The following C8orf34 variants were observed in gnomAD, a reference collection of about 807,000 sequenced individuals.
C8orf34 encodes chromosome 8 open reading frame 34.
A neutral mutation model predicts 68.3 loss-of-function variants in C8orf34; 65 were observed. The ratio of observed to expected loss-of-function variants is 0.95; its 90% CI spans 0.78 to 1.17. The LOEUF is 1.17. C8orf34 is among the 50% of genes most tolerant of loss of function. The pLI is 0.00. For synonymous variants in C8orf34, 244 were observed against 241.2 expected, an observed-to-expected ratio of 1.01 and a Z score of -0.11; for missense variants, 664 against 655.4, an observed-to-expected ratio of 1.01 and a Z score of -0.14.
At chr8:68,339,683 CT>C (rs952789700) in intron 1 of C8orf34, among the ~76,000 whole-genome samples, 2 of 151,790 alleles carry the variant, frequency 1.3e-5, no homozygotes, top group Admixed American at 1.3e-4. Flanking sequence ...AATGTAAAAC[CT>C]TTTTTCTTCT....
chr8:68,708,933 T>C (rs1013944449), intron 8 of C8orf34, 61 bp from the exon 9 acceptor site: 25 of 1,179,112 alleles, frequency 2.1e-5, no homozygotes, highest in Non-Finnish European at 3.0e-5. Context: ...CCATGGTGCA[T>C]AGTTCACATT....
chr8:68,783,259 C>T (rs1445413475), intron 11 of C8orf34, among the ~76,000 whole-genome samples: 1 of 152,140 alleles, frequency 6.6e-6, no homozygotes, highest in African/African-American at 2.4e-5. Flanking sequence ...GAGGCGCACG[C>T]CTGTAATCCC....
intron 1 of C8orf34, among the ~76,000 whole-genome samples, chr8:68,353,252 A>C (rs1187685365): frequency 2.0e-5 from 3 of 152,024 alleles, no homozygotes; most frequent in African/African-American, 7.2e-5. Context: ...GGACCTAAAC[A>C]ATGAAGTATT....
intron 1 of C8orf34, among the ~76,000 whole-genome samples, chr8:68,377,458 G>A (rs1176758535): frequency 6.6e-6 from 1 of 151,962 alleles, no homozygotes; most frequent in African/African-American, 2.4e-5. Context: ...GGAGGGGGAG[G>A]AGGAAGAAAA....
chr8:68,509,780 TCCTCTTTC>T (rs1814184126), intron 5 of C8orf34, among the ~76,000 whole-genome samples: 1 of 151,978 alleles, frequency 6.6e-6, no homozygotes, highest in South Asian at 2.1e-4. Flanking sequence ...AGGAAGAGCA[TCCTCTTTC>T]CCTCTTTCAT....
At chr8:68,490,629 T>C (rs1813270481) in intron 5 of C8orf34, among the ~76,000 whole-genome samples, 1 of 152,164 alleles carries the variant, frequency 6.6e-6, no homozygotes, top group Non-Finnish European at 1.5e-5. Context: ...TTATTGCACA[T>C]TTATTATTTT....
At chr8:68,391,360 T>G (rs1158854442) in intron 1 of C8orf34, among the ~76,000 whole-genome samples, 5 of 151,092 alleles carry the variant, frequency 3.3e-5, no homozygotes, top group Admixed American at 6.6e-5. Flanking sequence ...GGAAGGAGAT[T>G]GTCCTTTTTT....
At position 68,610,865 on chromosome 8, in the gene C8orf34, T is replaced by TTTG. The variant is rs1554584905; in HGVS notation, c.1106-29509_1106-29508insGTT. ...TCTGGTTACAGTGAATCTTTGGTTTTTTTTTTTTTTTTTTTTGAGACAGAG... is the reference window on the plus strand; with the variant it reads ...TCTGGTTACAGTGAATCTTTGGTTTTTTGTTTTTTTTTTTTTTTTGAGACAGAG... On this transcript the variant is annotated intron_variant, in intron 7 of 13. Transcript: ENST00000518698. 3.7e-3 allele frequency among the ~76,000 whole-genome samples: 479 copies of TTTG among 129,122 alleles called. 5 individuals are homozygous for TTTG. The highest frequency in any genetic ancestry group is 0.016 in the African/African-American group (455 of 29,344). The allele number at this position is 129,122 out of a possible 152,430, so 84.7% of individuals were successfully genotyped here.
chr8:68,610,969 A>G (rs910654150), intron 7 of C8orf34, among the ~76,000 whole-genome samples: 10 of 149,534 alleles, frequency 6.7e-5, no homozygotes, highest in African/African-American at 2.5e-4. Context: ...GGGTCAAGCT[A>G]TTCTCCTGCC....
At chr8:68,483,340 G>T (rs909891170) in intron 4 of C8orf34, among the ~76,000 whole-genome samples, 2 of 152,308 alleles carry the variant, frequency 1.3e-5, no homozygotes, top group African/African-American at 2.4e-5. Context: ...TGAAGAAAGA[G>T]GCTGCAAGTT....
At chr8:68,753,875 A>G (rs1822774017) in intron 10 of C8orf34, among the ~76,000 whole-genome samples, 1 of 152,110 alleles carries the variant, frequency 6.6e-6, no homozygotes, top group Non-Finnish European at 1.5e-5. Context: ...CCTGCATGAC[A>G]TTTCTTGGTG....
intron 7 of C8orf34, chr8:68,534,701 C>T: frequency 1.0e-6 from 1 of 985,386 alleles, no homozygotes; most frequent in Non-Finnish European, 1.2e-6. Context: ...TGCTCCATAA[C>T]TATACCTGTA....
chr8:68,717,596 T>C (rs1458443302), intron 9 of C8orf34, among the ~76,000 whole-genome samples: 1 of 152,152 alleles, frequency 6.6e-6, no homozygotes, highest in African/African-American at 2.4e-5. Context: ...TGAAGGTTAT[T>C]GAAAATGCCC....
intron 8 of C8orf34, among the ~76,000 whole-genome samples, chr8:68,683,065 G>A (rs1585723542): frequency 6.6e-6 from 1 of 152,032 alleles, no homozygotes; most frequent in South Asian, 2.1e-4. Flanking sequence ...AAGCTTTTGA[G>A]TTTCGTCATA....
chr8:68,571,385 C>T (rs1346874940), intron 7 of C8orf34, among the ~76,000 whole-genome samples: 1 of 152,218 alleles, frequency 6.6e-6, no homozygotes, highest in Non-Finnish European at 1.5e-5. Flanking sequence ...GATTCCATTT[C>T]AGTCTTCTTG....
chr8:68,659,073 C>A (rs1819594305), intron 8 of C8orf34, among the ~76,000 whole-genome samples: 1 of 152,048 alleles, frequency 6.6e-6, no homozygotes, highest in African/African-American at 2.4e-5. Flanking sequence ...CTTCCTCAAC[C>A]CCTTCTGTCT....
At chr8:68,722,445 A>G (rs1461230136) in intron 10 of C8orf34, among the ~76,000 whole-genome samples, 2 of 152,098 alleles carry the variant, frequency 1.3e-5, no homozygotes, top group African/African-American at 4.8e-5. Flanking sequence ...ACGAGATTAC[A>G]TGATTTAAAA....
chr8:68,663,733 AT>A (rs1819754983), intron 8 of C8orf34, among the ~76,000 whole-genome samples: 1 of 152,172 alleles, frequency 6.6e-6, no homozygotes, highest in Non-Finnish European at 1.5e-5. Context: ...GGGTTTTTAG[AT>A]TTCTTTGTTC....
chr8:68,778,445 T>A (rs923669361), intron 11 of C8orf34, among the ~76,000 whole-genome samples: 3 of 152,170 alleles, frequency 2.0e-5, no homozygotes, highest in African/African-American at 7.2e-5. Context: ...CATCTAGTTT[T>A]ATAATGAGAC....
Sources: allele counts gnomAD v4.1 joint callset (sites outside exome capture counted in the v4.1 genomes callset), GRCh38; gene constraint gnomAD v4.1.1; transcripts MANE v1.5; gene names NCBI Gene and HGNC (gene_info 2026-07-23, HGNC 2026-07-21).